The following SEMA4F variants were observed in gnomAD, a reference collection of about 807,000 sequenced individuals.
SEMA4F encodes semaphorin-4F.
SEMA4F carries 51 observed loss-of-function variants against 78.4 expected under a neutral mutation model. The observed-to-expected ratio is 0.65, with a 90% CI of 0.52 to 0.82. The LOEUF (loss-of-function observed/expected upper bound fraction) is 0.82. Among genes scored for constraint, SEMA4F ranks in the 40% least tolerant of loss-of-function variants. SEMA4F has a pLI of 0.00. For synonymous variants in SEMA4F, 418 were observed against 408.7 expected, an observed-to-expected ratio of 1.02 and a Z score of -0.27; for missense variants, 938 against 1,014.4, an observed-to-expected ratio of 0.92 and a Z score of 1.02.
chr2:74,675,964 A>G (rs951267682), intron 12 of SEMA4F, 55 bp downstream of exon 12: 3 of 1,540,548 alleles, frequency 1.9e-6, no homozygotes, highest in Non-Finnish European at 2.6e-6. Flanking sequence ...TGTCCCATCC[A>G]TATGTCTACG....
chr2:74,691,244 C>T, the SEMA4F span, among the ~76,000 whole-genome samples: 2 of 152,140 alleles, frequency 1.3e-5, no homozygotes, highest in African/African-American at 4.8e-5. Context: ...AATACATTCC[C>T]ATCAGTCTCT....
chr2:74,670,822 A>C (rs1684945604), intron 5 of SEMA4F, among the ~76,000 whole-genome samples: 1 of 152,094 alleles, frequency 6.6e-6, no homozygotes, highest in Admixed American at 6.5e-5. Context: ...AGGACCTTTG[A>C]CCAATACTTG....
At chr2:74,676,749 T>C (rs1033579572) in intron 12 of SEMA4F, among the ~76,000 whole-genome samples, 6 of 152,240 alleles carry the variant, frequency 3.9e-5, no homozygotes, top group African/African-American at 7.2e-5. Context: ...AATAACCTAA[T>C]TGGTCTTTTT....
the SEMA4F span, among the ~76,000 whole-genome samples, chr2:74,698,799 C>A: frequency 6.6e-6 from 1 of 152,176 alleles, no homozygotes; most frequent in African/African-American, 2.4e-5. Flanking sequence ...TCTCAGGTAT[C>A]CTAAAACATC....
chr2:74,656,745 T>C, intron 2 of SEMA4F, 60 bp downstream of exon 2: 2 of 1,567,872 alleles, frequency 1.3e-6, no homozygotes, highest in Admixed American at 3.4e-5. Context: ...ATCTATGATT[T>C]TATGAGTGTG....
At chr2:74,673,122 A>G (rs1043267941) in intron 5 of SEMA4F, among the ~76,000 whole-genome samples, 2 of 152,232 alleles carry the variant, frequency 1.3e-5, no homozygotes, top group Admixed American at 6.5e-5. Flanking sequence ...GGAGAGTCAC[A>G]GTACAATCAG....
the SEMA4F span, among the ~76,000 whole-genome samples, chr2:74,699,221 C>T: frequency 6.6e-6 from 1 of 152,198 alleles, no homozygotes; most frequent in Non-Finnish European, 1.5e-5. Flanking sequence ...AAAGGGTCTT[C>T]TTTAGGTTCA....
chr2:74,667,175 G>A (rs1257748794), intron 5 of SEMA4F, among the ~76,000 whole-genome samples: 1 of 152,188 alleles, frequency 6.6e-6, no homozygotes, highest in Middle Eastern at 3.2e-3. Flanking sequence ...ACAGATGGAT[G>A]TAGCATGACT....
intron 12 of SEMA4F, among the ~76,000 whole-genome samples, chr2:74,677,887 A>G (rs1323346817): frequency 6.6e-6 from 1 of 152,252 alleles, no homozygotes; most frequent in Admixed American, 6.5e-5. Flanking sequence ...AGGGCTAGAT[A>G]TGAAAGAAAA....
chr2:74,666,470 G>A (rs1012357826), intron 5 of SEMA4F, among the ~76,000 whole-genome samples: 3 of 151,524 alleles, frequency 2.0e-5, no homozygotes, highest in East Asian at 3.9e-4. Flanking sequence ...TGATGGAGGC[G>A]ATCAGAACTC....
In SEMA4F at chr2:74,654,315, G is replaced by T. The variant is rs932508955; in HGVS notation, c.-62G>T. The T allele has an allele frequency of 1.4e-4, 189 of 1,380,910 alleles. 1 individual carries two copies. The highest frequency in any genetic ancestry group is 2.1e-4 in the Admixed American group (6 of 27,960). 85.5% of individuals were successfully genotyped at this position (1,380,910 alleles called of 1,614,324 possible). A position where few individuals can be genotyped will look rare whatever the true frequency, so the allele number is the denominator to read the frequency against. ...GACCCGAGTGGGGCCGAGGCCAGTA[G>T]CCCCGGGGCCCTGAGCAGAGGCCGT... On this transcript the variant is annotated 5_prime_UTR_variant, in exon 1 of 14. Transcript: ENST00000357877.
chr2:74,680,021 A>T lies in SEMA4F; in HGVS notation c.2125A>T (p.Thr709Ser). 6.2e-7 allele frequency: 1 copy of T among 1,614,126 alleles called. No individual in the cohort carries two copies. Among genetic ancestry groups the T allele is most frequent in the Non-Finnish European group, 8.5e-7 (1 of 1,180,002 alleles). Residue 709 changes from threonine (T) to serine (S), a missense_variant, in exon 14 of 14, where the codon ACC (threonine) becomes TCC (serine). Coordinates refer to ENST00000357877, the MANE Select transcript of SEMA4F (RefSeq NM_004263.5). ...GLDLGAPPSG[T>S]TSYSQDPPSP... ...GGACCTGGGGGCTCCACCTTCTGGG[A>T]CCACAAGCTACAGCCAAGACCCTCC... is the stretch of plus-strand genomic sequence containing the variant.
At chr2:74,679,148 G>A in intron 12 of SEMA4F, 128 bp from the exon 13 acceptor site, 1 of 804,260 alleles carries the variant, frequency 1.2e-6, no homozygotes, top group Non-Finnish European at 2.1e-6. Flanking sequence ...GGAGAAACTT[G>A]ACTGATAATT....
At chr2:74,674,451 C>G (rs1685152306) in intron 7 of SEMA4F, 47 bp from the exon 8 acceptor site, 2 of 1,548,684 alleles carry the variant, frequency 1.3e-6, no homozygotes, top group Non-Finnish European at 1.8e-6. Flanking sequence ...GCTCCTTGCC[C>G]AATGATGATC....
chr2:74,686,334 C>T (rs1387391437), downstream of SEMA4F, among the ~76,000 whole-genome samples: 10 of 152,134 alleles, frequency 6.6e-5, no homozygotes, highest in Non-Finnish European at 1.3e-4. Flanking sequence ...CTCCTGACCT[C>T]GTGATCTGCC....
At chr2:74,664,364 A>G (rs1200250357) in intron 5 of SEMA4F, among the ~76,000 whole-genome samples, 1 of 152,226 alleles carries the variant, frequency 6.6e-6, no homozygotes, top group Non-Finnish European at 1.5e-5. Context: ...TGAATTAAAC[A>G]ATTCCAAATT....
the SEMA4F span, among the ~76,000 whole-genome samples, chr2:74,709,035 G>A: frequency 6.6e-5 from 10 of 152,100 alleles, no homozygotes; most frequent in South Asian, 1.0e-3. Context: ...GTGGTGGTGC[G>A]TGCCTATAGT....
chr2:74,673,299 T>C (rs1006380655), intron 5 of SEMA4F, among the ~76,000 whole-genome samples, 158 bp from the exon 6 acceptor site: 15 of 152,188 alleles, frequency 9.9e-5, no homozygotes, highest in Non-Finnish European at 1.8e-4. Context: ...ATTTCCTTAA[T>C]TGCAATAATG....
At chr2:74,698,869 A>T in the SEMA4F span, among the ~76,000 whole-genome samples, 1 of 152,246 alleles carries the variant, frequency 6.6e-6, no homozygotes, top group Non-Finnish European at 1.5e-5. Context: ...ATGCCCAATT[A>T]ATAAGCAGCA....
Sources: gnomAD v4.1 joint callset for allele counts (sites outside exome capture counted in the v4.1 genomes callset) on GRCh38, gnomAD v4.1.1 for gene constraint, MANE v1.5 for transcripts, NCBI Gene and HGNC (gene_info 2026-07-23, HGNC 2026-07-21) for gene names.